Variants in CUBN observed in about 807,000 individuals in gnomAD.
The protein encoded by CUBN is 460 kDa receptor.
In CUBN, 282 loss-of-function variants were observed where a neutral mutation model predicts 405.3. The ratio of observed to expected loss-of-function variants is 0.70; its 90% CI spans 0.63 to 0.77. CUBN has a LOEUF of 0.77. Among genes scored for constraint, CUBN ranks in the 30% least tolerant of loss-of-function variants. The probability of loss-of-function intolerance (pLI) is 0.00; values close to 1 mark genes in which losing one functional copy is unlikely to be tolerated. For synonymous variants in CUBN, 1,684 were observed against 1,617.0 expected, an observed-to-expected ratio of 1.04 and a Z score of -0.99; for missense variants, 4,514 against 4,475.2, an observed-to-expected ratio of 1.01 and a Z score of -0.25.
intron 25 of CUBN, among the ~76,000 whole-genome samples, chr10:17,044,271 CAT>C (rs1232712439): frequency 6.9e-6 from 1 of 145,462 alleles, no homozygotes; most frequent in East Asian, 2.0e-4. Flanking sequence ...TATATGTAAA[CAT>C]AAATATATAT....
rs765482509 is a variant in CUBN, at chr10:16,990,467, C to G, written c.4217G>C (p.Gly1406Ala). The G allele has an allele frequency of 3.1e-6, 5 of 1,614,148 alleles. No homozygotes were observed. The South Asian group carries it at 5.5e-5, about 18-fold the overall frequency. Residue 1406 changes from glycine (G) to alanine (A), a missense_variant, in exon 29 of 67, where the codon GGG becomes GCG. This residue lies in a region of CUBN where 1,613 missense variants were observed against 1,542.8 expected (regional missense o/e 1.05). Coordinates refer to ENST00000377833, the MANE Select transcript of CUBN (RefSeq NM_001081.4). ...GTTTGGTGGATACCTGTTGGGGAAC[C>G]CGGGGCTGCTGAAGGAGCCTGTGGC... ...SGATGSFSSP[G>A]FPNRYPPNKE...
chr10:16,835,610 A>AC (rs1367191857), intron 63 of CUBN, among the ~76,000 whole-genome samples: 32 of 69,702 alleles, frequency 4.6e-4, no homozygotes, highest in Admixed American at 1.8e-3. Context: ...ATCGTTATTT[A>AC]CCTTTTTTTT....
chr10:16,970,080 G>A (rs1387403534), intron 31 of CUBN, among the ~76,000 whole-genome samples: 1 of 152,146 alleles, frequency 6.6e-6, no homozygotes, highest in Non-Finnish European at 1.5e-5. Context: ...AAGCCATGAA[G>A]AGGGTGAGGG....
At chr10:16,829,191 G>A (rs1838891317) in intron 65 of CUBN, 151 bp from the exon 66 acceptor site, 1 of 688,352 alleles carries the variant, frequency 1.5e-6, no homozygotes, top group Non-Finnish European at 2.6e-6. Context: ...CTCTTCTTTG[G>A]GCTACACCCT....
At chr10:16,920,777 A>C (rs1262057239) in intron 43 of CUBN, among the ~76,000 whole-genome samples, 2 of 152,230 alleles carry the variant, frequency 1.3e-5, no homozygotes, top group Admixed American at 6.5e-5. Flanking sequence ...TTCAACAAAC[A>C]AACCAGATAG....
intron 31 of CUBN, among the ~76,000 whole-genome samples, chr10:16,961,314 C>G (rs1843210413): frequency 1.3e-5 from 2 of 152,194 alleles, no homozygotes; most frequent in Admixed American, 6.5e-5. Flanking sequence ...GATCCTGCCA[C>G]CTCAGCCTCC....
intron 59 of CUBN, among the ~76,000 whole-genome samples, chr10:16,859,666 A>G: frequency 6.6e-6 from 1 of 152,212 alleles, no homozygotes; most frequent in East Asian, 1.9e-4. Context: ...TCATTTTCGA[A>G]AAACAAAAAC....
rs377739623 is a variant in CUBN at position 16,998,575 on chromosome 10, GC to G, written c.4169-8061del. ...CAGTTTGTGGTACTTAGTTACAGTA[GC>G]CCTAAGAAGCTAATGTATCCTCATT... On this transcript the variant is annotated intron_variant, in intron 28 of 66. Transcript: ENST00000377833. 3.9e-5 allele frequency among the ~76,000 whole-genome samples: 6 copies of G among 152,320 alleles called. No homozygotes were observed. In the East Asian group the frequency reaches 5.8e-4, roughly 15 times the overall value.
intron 27 of CUBN, among the ~76,000 whole-genome samples, chr10:17,025,858 G>T (rs1403234356): frequency 6.6e-6 from 1 of 152,136 alleles, no homozygotes; most frequent in Non-Finnish European, 1.5e-5. Context: ...CATCCTGTGT[G>T]GGGTGGAGAT....
chr10:17,061,128 A>G (rs918124851), intron 22 of CUBN, among the ~76,000 whole-genome samples: 3 of 152,092 alleles, frequency 2.0e-5, no homozygotes, highest in Admixed American at 1.3e-4. Context: ...CCTAATTAGT[A>G]TCAAGGCTGA....
At chr10:17,126,476 C>A (rs1337242344) in intron 4 of CUBN, among the ~76,000 whole-genome samples, 1 of 152,182 alleles carries the variant, frequency 6.6e-6, no homozygotes, top group African/African-American at 2.4e-5. Context: ...GCACAGCACA[C>A]ACAGCTAAAG....
At chr10:17,104,273 C>T in intron 12 of CUBN, 146 bp downstream of exon 12, 1 of 676,366 alleles carries the variant, frequency 1.5e-6, no homozygotes, top group Admixed American at 2.6e-5. Context: ...GAATTTTATA[C>T]CATTTCTGCA....
Position 16,851,228 on chromosome 10 carries a change from G to A in CUBN, c.9663+7C>T, listed in dbSNP as rs1317979664. 15 of 1,605,482 alleles carry A rather than the reference G, an allele frequency of 9.3e-6. No individual in the cohort carries two copies. Among genetic ancestry groups the A allele is most frequent in the South Asian group, 8.8e-5 (8 of 90,860 alleles). On this transcript the variant is annotated splice_region_variant and intron_variant, in intron 60 of 66. Coordinates refer to ENST00000377833, the MANE Select transcript of CUBN (RefSeq NM_001081.4). ...TAGACTCTGTTAAAAAAATAAAACA[G>A]CCTTACCTTTACATAATCATAAAGG...
At chr10:16,949,563 A>AT (rs759949389) in intron 34 of CUBN, among the ~76,000 whole-genome samples, 1 of 151,772 alleles carries the variant, frequency 6.6e-6, no homozygotes, top group African/African-American at 2.4e-5. Flanking sequence ...AAAAAGACAG[A>AT]TTTTTAATGG....
intron 10 of CUBN, among the ~76,000 whole-genome samples, chr10:17,105,819 G>T (rs1475010281): frequency 6.6e-6 from 1 of 152,180 alleles, no homozygotes; most frequent in African/African-American, 2.4e-5. Context: ...GTTGACATGG[G>T]TGCTGTCAGC....
chr10:16,903,194 A>C (rs7099855), intron 51 of CUBN, among the ~76,000 whole-genome samples: 12,399 of 152,252 alleles, frequency 0.081, 870 homozygotes, highest in African/African-American at 0.19. Flanking sequence ...GAAAAAGTTG[A>C]ATCATCTCAA....
chr10:16,932,361 G>A (rs562098375), intron 40 of CUBN, among the ~76,000 whole-genome samples: 48 of 152,112 alleles, frequency 3.2e-4, no homozygotes, highest in Non-Finnish European at 5.9e-4. Flanking sequence ...AAATACTGAC[G>A]TGGAGGATGT....
chr10:16,864,737 A>G (rs1174384437), intron 59 of CUBN, among the ~76,000 whole-genome samples: 1 of 134,090 alleles, frequency 7.5e-6, no homozygotes, highest in East Asian at 2.2e-4. Flanking sequence ...CACAACCTTC[A>G]CCTCCCAGGT....
chr10:16,829,133 G>A (rs1838887924), intron 65 of CUBN, 93 bp from the exon 66 acceptor site: 1 of 884,632 alleles, frequency 1.1e-6, no homozygotes, highest in South Asian at 1.4e-5. Flanking sequence ...TTCTTAAGGT[G>A]CTGAGACTCT....
Sources: allele counts gnomAD v4.1 joint callset (sites outside exome capture counted in the v4.1 genomes callset), GRCh38; gene constraint gnomAD v4.1.1; regional missense constraint gnomAD v4.1.1; transcripts MANE v1.5; gene names NCBI Gene and HGNC (gene_info 2026-07-23, HGNC 2026-07-21).